AOPEP: variants seen among roughly 807,000 people sequenced by gnomAD.
AOPEP encodes the protein aminopeptidase O.
A neutral mutation model predicts 98.1 loss-of-function variants in AOPEP; 77 were observed. The observed-to-expected ratio is 0.78, with a 90% confidence interval of 0.65 to 0.95. The LOEUF (loss-of-function observed/expected upper bound fraction) is 0.95. Among genes scored for constraint, AOPEP ranks in the 40% least tolerant of loss-of-function variants. AOPEP has a pLI of 0.00. For synonymous variants in AOPEP, 346 were observed against 365.3 expected (o/e 0.95, Z 0.60); for missense variants, 1,024 against 1,024.7 (o/e 1.00, Z 0.01).
chr9:94,925,563 T>A (rs2054196442), intron 6 of AOPEP, among the ~76,000 whole-genome samples: 1 of 152,224 alleles, frequency 6.6e-6, no homozygotes, highest in South Asian at 2.1e-4. Flanking sequence ...TTTTTAAACT[T>A]ATTTTATTTT....
intron 5 of AOPEP, among the ~76,000 whole-genome samples, chr9:94,839,242 C>T (rs2042003200): frequency 6.6e-6 from 1 of 152,088 alleles, no homozygotes; most frequent in Admixed American, 6.5e-5. Context: ...CCCACCACCA[C>T]ACCCGGCTAA....
chr9:94,731,790 C>CCT (rs1830602259), intron 1 of AOPEP, among the ~76,000 whole-genome samples: 1 of 86,290 alleles, frequency 1.2e-5, no homozygotes, highest in African/African-American at 5.2e-5. Flanking sequence ...TCTCTTTTGC[C>CCT]TTTTTTTTTT....
intron 6 of AOPEP, among the ~76,000 whole-genome samples, chr9:94,926,735 G>A (rs1464201320): frequency 6.6e-6 from 1 of 151,742 alleles, no homozygotes; most frequent in Admixed American, 6.6e-5. Context: ...AGGGGTCACC[G>A]GGGTCACTTT....
chr9:94,838,947 C>T (rs2041951966), intron 5 of AOPEP, among the ~76,000 whole-genome samples: 1 of 116,328 alleles, frequency 8.6e-6, no homozygotes, highest in African/African-American at 3.2e-5. Context: ...GAATCTCACT[C>T]TGTGCCAGGC....
At chr9:95,090,274 T>C (rs919097935), downstream of AOPEP, among the ~76,000 whole-genome samples, 3 of 152,212 alleles carry the variant, frequency 2.0e-5, no homozygotes, top group Non-Finnish European at 4.4e-5. Context: ...AATGGGTTAA[T>C]TGCCACTGTC....
At chr9:94,924,682 A>C (rs2054046993) in intron 6 of AOPEP, among the ~76,000 whole-genome samples, 1 of 152,158 alleles carries the variant, frequency 6.6e-6, no homozygotes, top group African/African-American at 2.4e-5. Context: ...CAGGGGCGGT[A>C]TAGATTAGGG....
Position 95,041,446 on chromosome 9 carries a change from G to GGGGTGT in AOPEP, c.2116-19247_2116-19246insGGTGTG, listed in dbSNP as rs1554813291. On this transcript the variant is annotated intron_variant, in intron 13 of 16. Transcript: ENST00000375315. Reference sequence around the variant, plus strand: ...ATACTGTGTACTCAGAGTCCTTGGGGGTGTGTGTGTGTGTGTGTGTGTGTG... The same window carrying GGGGTGT: ...ATACTGTGTACTCAGAGTCCTTGGGGGGGTGTGTGTGTGTGTGTGTGTGTGTGTGTG... Among the ~76,000 whole-genome samples, 841 of 142,100 alleles carry GGGGTGT rather than the reference G, an allele frequency of 5.9e-3. 10 individuals are homozygous for GGGGTGT. The highest frequency in any genetic ancestry group is 0.021 in the African/African-American group (804 of 38,132). The allele number at this position is 142,100 out of a possible 152,430, so 93.2% of individuals were successfully genotyped here.
intron 13 of AOPEP, among the ~76,000 whole-genome samples, chr9:95,035,000 T>C (rs1057357877): frequency 5.3e-5 from 8 of 151,950 alleles, no homozygotes; most frequent in Admixed American, 3.3e-4. Context: ...TTTTATACTT[T>C]TAAGTTCTAG....
intron 16 of AOPEP, chr9:95,086,049 T>A: frequency 7.3e-7 from 1 of 1,367,690 alleles, no homozygotes; most frequent in Non-Finnish European, 9.8e-7. Flanking sequence ...TGATATCAGT[T>A]CTCATTTTAC....
At chr9:94,769,922 G>T (rs769777294) in intron 2 of AOPEP, among the ~76,000 whole-genome samples, 1 of 152,246 alleles carries the variant, frequency 6.6e-6, no homozygotes, top group Non-Finnish European at 1.5e-5. Flanking sequence ...ACTGAACTGG[G>T]AAGGAAAGGA....
chr9:94,811,125 T>C (rs1850485192), intron 5 of AOPEP, among the ~76,000 whole-genome samples: 1 of 152,206 alleles, frequency 6.6e-6, no homozygotes, highest in East Asian at 1.9e-4. Context: ...TGTCTGCTGC[T>C]CAAACTGTGT....
At chr9:94,786,591 G>T (rs574509899) in intron 3 of AOPEP, among the ~76,000 whole-genome samples, 30 of 152,286 alleles carry the variant, frequency 2.0e-4, no homozygotes, top group Non-Finnish European at 2.4e-4. Context: ...GTGGCAGTGG[G>T]CAGTCTTCAT....
chr9:94,928,507 C>G lies in AOPEP; in HGVS notation c.1637C>G (p.Ser546Cys), dbSNP rs1320834354. The G allele has an allele frequency of 6.4e-6, 10 of 1,550,566 alleles. No homozygotes were observed. Among genetic ancestry groups the G allele is most frequent in the Non-Finnish European group, 8.7e-6 (10 of 1,146,978 alleles). The change falls in exon 7 of 17, where the codon TCC becomes TGC. Residue 546 changes from serine to cysteine, a missense_variant. By Grantham distance (112) the Ser-to-Cys change is moderately radical. Coordinates refer to ENST00000375315, the MANE Select transcript of AOPEP (RefSeq NM_001193329.3). Reference protein sequence around the residue: ...WRRLQDEMQCSPEEMQVLRPS... With the variant: ...WRRLQDEMQCCPEEMQVLRPS... ...CGCCTCCAGGACGAGATGCAATGCTCCCCCGAGGAGATGCAGGTGTTAAGG... is the reference window on the plus strand; with the variant it reads ...CGCCTCCAGGACGAGATGCAATGCTGCCCCGAGGAGATGCAGGTGTTAAGG...
chr9:94,938,187 A>G (rs2056564109), intron 7 of AOPEP, among the ~76,000 whole-genome samples: 1 of 152,202 alleles, frequency 6.6e-6, no homozygotes, highest in South Asian at 2.1e-4. Context: ...ACAATTTCAT[A>G]TGGTCCAACC....
intron 5 of AOPEP, among the ~76,000 whole-genome samples, chr9:94,921,693 A>AT (rs2053638052): frequency 6.6e-6 from 1 of 152,188 alleles, no homozygotes; most frequent in East Asian, 1.9e-4. Context: ...TCATAGGGAA[A>AT]TAGCCCCAGA....
chr9:95,081,554 G>A (rs955689921), intron 15 of AOPEP, among the ~76,000 whole-genome samples: 3 of 152,234 alleles, frequency 2.0e-5, no homozygotes, highest in African/African-American at 7.2e-5. Flanking sequence ...GCCAGCCAGT[G>A]AGGCCTGAGG....
intron 5 of AOPEP, among the ~76,000 whole-genome samples, chr9:94,916,694 C>CAAA (rs560271736): frequency 1.5e-4 from 15 of 99,914 alleles, no homozygotes; most frequent in East Asian, 5.9e-4. Flanking sequence ...GACTCCCTCT[C>CAAA]AAAAAAAAAA....
the AOPEP span, among the ~76,000 whole-genome samples, chr9:95,105,158 CA>C: frequency 6.6e-6 from 1 of 152,348 alleles, no homozygotes; most frequent in East Asian, 1.9e-4. Context: ...TTAGCTGAGA[CA>C]CCAGCACCTG....
the AOPEP span, among the ~76,000 whole-genome samples, chr9:95,132,769 G>C: frequency 6.6e-6 from 1 of 152,142 alleles, no homozygotes. Flanking sequence ...GAAAATATCA[G>C]ACCTGCGAGT....
Sources: gnomAD v4.1 joint callset for allele counts (sites outside exome capture counted in the v4.1 genomes callset) on GRCh38, gnomAD v4.1.1 for gene constraint, MANE v1.5 for transcripts, NCBI Gene and HGNC (gene_info 2026-07-23, HGNC 2026-07-21) for gene names.